The following FRMD3 variants were observed in gnomAD, a reference collection of about 807,000 sequenced individuals.
FRMD3 encodes FERM domain containing 3.
A neutral mutation model predicts 70.2 loss-of-function variants in FRMD3; 33 were observed. The ratio of observed to expected loss-of-function variants is 0.47; its 90% CI spans 0.36 to 0.63. The LOEUF (loss-of-function observed/expected upper bound fraction) is 0.63. Among genes scored for constraint, FRMD3 ranks in the 20% least tolerant of loss-of-function variants. FRMD3 has a pLI of 0.00. For missense variants in FRMD3, 632 were observed against 711.4 expected (o/e 0.89, Z 1.27); for synonymous variants, 279 against 255.9 (o/e 1.09, Z -0.86).
At chr9:83,275,229 C>T (rs1833758168) in intron 13 of FRMD3, among the ~76,000 whole-genome samples, 1 of 152,204 alleles carries the variant, frequency 6.6e-6, no homozygotes, top group Non-Finnish European at 1.5e-5. Flanking sequence ...GATCACTTTA[C>T]TCTGTGAAAA....
intron 2 of FRMD3, among the ~76,000 whole-genome samples, chr9:83,379,354 C>A (rs765808684): frequency 6.6e-6 from 1 of 152,072 alleles, no homozygotes; most frequent in Non-Finnish European, 1.5e-5. Context: ...TGCTATTTTC[C>A]TTTTGATTGC....
At chr9:83,298,646 CCTT>C (rs1361180933) in intron 12 of FRMD3, 99 bp downstream of exon 12, 1 of 861,036 alleles carries the variant, frequency 1.2e-6, no homozygotes, top group African/African-American at 1.7e-5. Context: ...GTGAGAATGT[CCTT>C]CTTTAATGCT....
intron 4 of FRMD3, 59 bp from the exon 5 acceptor site, chr9:83,343,346 G>T: frequency 1.7e-6 from 2 of 1,194,866 alleles, no homozygotes; most frequent in Non-Finnish European, 2.5e-6. Context: ...GGAAGAAGTA[G>T]GATTGTTCAT....
At position 83,245,072 on chromosome 9, in the gene FRMD3, A is replaced by C; in HGVS notation, c.*2846T>G. The stretch of plus-strand genomic sequence containing the variant: ...TCAGGCTGTGGGTTTTACCCACCAT[A>C]GTATCTGAGAGGGAGAAGAACCAAT... On this transcript the variant is annotated 3_prime_UTR_variant, in exon 14 of 14. Coordinates refer to ENST00000304195, the MANE Select transcript of FRMD3 (RefSeq NM_174938.6). 1.0e-6 allele frequency: 1 copy of C among 985,386 alleles called. No homozygotes were observed. The highest frequency in any genetic ancestry group is 1.2e-6 in the Non-Finnish European group (1 of 829,874). 61.0% of individuals were successfully genotyped at this position (985,386 alleles called of 1,614,324 possible). A position where few individuals can be genotyped will look rare whatever the true frequency, so the allele number is the denominator to read the frequency against.
At chr9:83,279,904 C>T (rs901327975) in intron 13 of FRMD3, among the ~76,000 whole-genome samples, 1 of 152,240 alleles carries the variant, frequency 6.6e-6, no homozygotes, top group African/African-American at 2.4e-5. Flanking sequence ...CACCATGGCA[C>T]ACGTCTACCT....
chr9:83,350,926 T>C (rs1323402280), intron 3 of FRMD3: 8 of 670,928 alleles, frequency 1.2e-5, no homozygotes, highest in Non-Finnish European at 1.5e-5. Context: ...TCAGTTAACA[T>C]ATAAAATGAA....
chr9:83,272,121 C>G (rs1833578446), intron 13 of FRMD3, among the ~76,000 whole-genome samples: 1 of 151,666 alleles, frequency 6.6e-6, no homozygotes, highest in Non-Finnish European at 1.5e-5. Flanking sequence ...TCCTCTGTCT[C>G]CCTCTCTCTC....
At chr9:83,459,577 G>T (rs929935169) in intron 1 of FRMD3, among the ~76,000 whole-genome samples, 5 of 152,230 alleles carry the variant, frequency 3.3e-5, no homozygotes, top group Non-Finnish European at 7.3e-5. Context: ...AAGTGCAGGA[G>T]AATGAACACT....
At chr9:83,337,042 T>A (rs985570126) in intron 5 of FRMD3, among the ~76,000 whole-genome samples, 1 of 152,138 alleles carries the variant, frequency 6.6e-6, no homozygotes. Context: ...ATAATACATT[T>A]AAATGTTAAG....
chr9:83,399,381 C>G (rs1825890608), intron 1 of FRMD3, among the ~76,000 whole-genome samples: 1 of 152,160 alleles, frequency 6.6e-6, no homozygotes, highest in African/African-American at 2.4e-5. Flanking sequence ...CATTTCTGTT[C>G]TGACTGGCAC....
intron 1 of FRMD3, among the ~76,000 whole-genome samples, chr9:83,465,831 C>T (rs549160417): frequency 2.0e-5 from 3 of 152,102 alleles, no homozygotes; most frequent in African/African-American, 4.8e-5. Context: ...GGAGCTGTAT[C>T]CAACTCATTA....
chr9:83,544,300 C>G, the FRMD3 span, among the ~76,000 whole-genome samples: 3 of 152,160 alleles, frequency 2.0e-5, no homozygotes, highest in South Asian at 2.1e-4. Context: ...CCCCTGACCC[C>G]CTGAGGAGAC....
At chr9:83,328,756 TC>T (rs1305589575) in intron 6 of FRMD3, among the ~76,000 whole-genome samples, 1 of 152,158 alleles carries the variant, frequency 6.6e-6, no homozygotes, top group Non-Finnish European at 1.5e-5. Context: ...AAAAGGCTGC[TC>T]TTCGATAAAT....
chr9:83,324,064 T>C (rs1461041647), intron 6 of FRMD3, among the ~76,000 whole-genome samples: 1 of 152,140 alleles, frequency 6.6e-6, no homozygotes, highest in Non-Finnish European at 1.5e-5. Flanking sequence ...GGAGAATGGA[T>C]ACATAAAACA....
chr9:83,440,795 G>A (rs886564265), intron 1 of FRMD3, among the ~76,000 whole-genome samples: 1 of 152,160 alleles, frequency 6.6e-6, no homozygotes, highest in Non-Finnish European at 1.5e-5. Context: ...CCTGTGCCTT[G>A]CATAATTGAG....
At chr9:83,420,984 A>AGGCTGGG (rs1334346611) in intron 1 of FRMD3, among the ~76,000 whole-genome samples, 2 of 92,566 alleles carry the variant, frequency 2.2e-5, no homozygotes, top group Non-Finnish European at 4.3e-5. Context: ...TCTGTCGCCC[A>AGGCTGGG]GGCTGGAGTG....
At chr9:83,490,850 A>G (rs1227813530) in intron 1 of FRMD3, among the ~76,000 whole-genome samples, 1 of 147,306 alleles carries the variant, frequency 6.8e-6, no homozygotes, top group African/African-American at 2.5e-5. Flanking sequence ...CAGTGCCAAT[A>G]GCAGCCATTT....
chr9:83,283,536 AAAAAAAAAAAAAT>A (rs1563993280), intron 13 of FRMD3, among the ~76,000 whole-genome samples: 1 of 102,738 alleles, frequency 9.7e-6, no homozygotes, highest in Non-Finnish European at 2.0e-5. Context: ...ATCTCAAAAA[AAAAAAAAAAAAAT>A]AATAATAATA....
At chr9:83,331,820 G>A in intron 6 of FRMD3, 1 of 717,350 alleles carries the variant, frequency 1.4e-6, no homozygotes, top group Non-Finnish European at 2.6e-6. Context: ...GCCATTAAGG[G>A]CTGGGTGCCC....
Sources: allele counts gnomAD v4.1 joint callset (sites outside exome capture counted in the v4.1 genomes callset), GRCh38; gene constraint gnomAD v4.1.1; transcripts MANE v1.5; gene names NCBI Gene and HGNC (gene_info 2026-07-23, HGNC 2026-07-21).